Variants in ADGRE1 observed in about 807,000 individuals in gnomAD.
The protein encoded by ADGRE1 is EGF-like module receptor 1.
Under a neutral mutation model 102.7 loss-of-function variants are expected in ADGRE1, and 82 were observed. The ratio of observed to expected loss-of-function variants is 0.80; its 90% CI spans 0.67 to 0.96. The LOEUF is 0.96. ADGRE1 is among the 40% of genes least tolerant of loss of function. The pLI is 0.00. For synonymous variants in ADGRE1, 398 were observed against 399.6 expected (o/e 1.00, Z 0.05); for missense variants, 1,032 against 1,085.3 (o/e 0.95, Z 0.69).
Position 6,937,521 on chromosome 19 carries a change from G to A in ADGRE1, c.2551-23G>A, listed in dbSNP as rs748186260. 4 of 1,610,546 alleles carry A rather than the reference G, an allele frequency of 2.5e-6. No homozygotes were observed. The African/African-American group carries it at 4.1e-5, about 16-fold the overall frequency. On this transcript the variant is annotated intron_variant, in intron 19 of 20. Transcript: ENST00000312053. ...GTCACTGGACCATTTCCCTGCATCTGGATGATGTGTCTCCTTCTCCAGGTA... is the reference window on the plus strand; with the variant it reads ...GTCACTGGACCATTTCCCTGCATCTAGATGATGTGTCTCCTTCTCCAGGTA...
Position 6,926,571 on chromosome 19 carries a change from T to G in ADGRE1, c.2192T>G (p.Val731Gly). The change falls in exon 16 of 21, where the codon GTG becomes GGG. Residue 731 changes from valine to glycine, a missense_variant. By Grantham distance (109) the Val-to-Gly change is moderately radical. Transcript: ENST00000312053. ...CTGGTGGTGGTGATCTCTGCCAGTGTGCAGCCACAGGGCTATGGAATGCAT... is the reference window on the plus strand; with the variant it reads ...CTGGTGGTGGTGATCTCTGCCAGTGGGCAGCCACAGGGCTATGGAATGCAT... ...PMLVVVISASVQPQGYGMHNR... is the reference protein window; with the variant it reads ...PMLVVVISASGQPQGYGMHNR... 6.2e-7 allele frequency: 1 copy of G among 1,614,252 alleles called. No individual in the cohort carries two copies. Among genetic ancestry groups the G allele is most frequent in the African/African-American group, 1.3e-5 (1 of 75,072 alleles).
intron 16 of ADGRE1, 32 bp downstream of exon 16, chr19:6,926,633 C>G (rs199836170): frequency 6.2e-7 from 1 of 1,606,798 alleles, no homozygotes; most frequent in Non-Finnish European, 8.5e-7. Flanking sequence ...CCTGAAGACC[C>G]TGCTGCCAGG....
chr19:6,930,595 C>T lies in ADGRE1; in HGVS notation c.2289+2384C>T, dbSNP rs541602149. Among the ~76,000 whole-genome samples the T allele has an allele frequency of 2.6e-5, 4 of 152,160 alleles. No individual in the cohort carries two copies. The South Asian group carries it at 8.3e-4, about 32-fold the overall frequency. The stretch of plus-strand genomic sequence containing the variant: ...TTTGTCCTTTGTGTTACACACAATC[C>T]AATTATGTTCTTCTGGTTTTTGTTT... On this transcript the variant is annotated intron_variant, in intron 17 of 20. Coordinates refer to ENST00000312053, the MANE Select transcript of ADGRE1 (RefSeq NM_001974.5).
At chr19:6,903,739 T>C (rs1973849707) in intron 6 of ADGRE1, 71 bp from the exon 7 acceptor site, 1 of 1,587,780 alleles carries the variant, frequency 6.3e-7, no homozygotes, top group African/African-American at 1.3e-5. Flanking sequence ...GACTCCATAT[T>C]TTGCAAAGGG....
At chr19:6,924,646 C>T in intron 14 of ADGRE1, 32 bp from the exon 15 acceptor site, 1 of 1,596,994 alleles carries the variant, frequency 6.3e-7, no homozygotes, top group Non-Finnish European at 8.6e-7. Flanking sequence ...TGATCCCATT[C>T]TCAGGCCAAC....
At chr19:6,896,264 G>C in intron 2 of ADGRE1, 134 bp from the exon 3 acceptor site, 1 of 819,224 alleles carries the variant, frequency 1.2e-6, no homozygotes, top group Non-Finnish European at 1.9e-6. Context: ...CCAGGGTTTA[G>C]GACTGTAACG....
At chr19:6,912,843 A>G (rs562703627) in intron 10 of ADGRE1, among the ~76,000 whole-genome samples, 1 of 152,182 alleles carries the variant, frequency 6.6e-6, no homozygotes, top group Non-Finnish European at 1.5e-5. Context: ...CAGGAAGGGG[A>G]ATTGCTGTGT....
chr19:6,939,967 A>G (rs1599780737), intron 20 of ADGRE1, 57 bp from the exon 21 acceptor site: 2 of 1,595,120 alleles, frequency 1.3e-6, no homozygotes, highest in East Asian at 2.2e-5. Context: ...GACCCTTGGA[A>G]TCACGTTTGT....
intron 11 of ADGRE1, among the ~76,000 whole-genome samples, chr19:6,915,067 G>A (rs1218363869): frequency 6.6e-6 from 1 of 151,908 alleles, no homozygotes; most frequent in East Asian, 1.9e-4. Flanking sequence ...GTGCAGTGGT[G>A]TGATCATAGC....
At chr19:6,934,324 A>G (rs1481455486) in intron 17 of ADGRE1, among the ~76,000 whole-genome samples, 1 of 152,034 alleles carries the variant, frequency 6.6e-6, no homozygotes, top group Non-Finnish European at 1.5e-5. Context: ...ATTACTAACT[A>G]AGTCCTGCTG....
intron 14 of ADGRE1, among the ~76,000 whole-genome samples, chr19:6,922,612 TCACACACACACACACACACA>T (rs770150909): frequency 1.6e-5 from 2 of 123,156 alleles, no homozygotes; most frequent in African/African-American, 3.0e-5. Context: ...AGACTCTGTC[TCACACACACACACACACACA>T]CACACACACA....
chr19:6,932,526 C>T (rs1415828330), intron 17 of ADGRE1, among the ~76,000 whole-genome samples: 1 of 151,974 alleles, frequency 6.6e-6, no homozygotes, highest in Non-Finnish European at 1.5e-5. Context: ...GTTGGGGTTC[C>T]TCCAGCATTT....
In ADGRE1 at chr19:6,897,173, C is replaced by T. The variant is rs1462025209; in HGVS notation, c.263C>T (p.Pro88Leu). ...GATATTGATGAATGTTCTCAAAGCC[C>T]CCAGCCCTGTGGTCCTAACTCATCC... ...CKDIDECSQSPQPCGPNSSCK... is the reference protein window; with the variant it reads ...CKDIDECSQSLQPCGPNSSCK... Residue 88 changes from proline (P) to leucine (L), a missense_variant, in exon 4 of 21, where the codon CCC becomes CTC. Physicochemically the swap from Pro to Leu is moderately conservative, Grantham distance 98. Transcript: ENST00000312053. 1.2e-6 allele frequency: 2 copies of T among 1,611,882 alleles called. No homozygotes were observed. Among genetic ancestry groups the T allele is most frequent in the Non-Finnish European group, 8.5e-7 (1 of 1,179,550 alleles).
rs1054087739 is a variant in ADGRE1 at position 6,888,078 on chromosome 19, C to T, written c.31+439C>T. ...CTATGACATTGGGTCATTATTAGTC[C>T]TATTTTGCAAATGAGAAAACTGAGG... On this transcript the variant is annotated intron_variant, in intron 1 of 20. Coordinates refer to ENST00000312053, the MANE Select transcript of ADGRE1 (RefSeq NM_001974.5). Among the ~76,000 whole-genome samples the T allele has an allele frequency of 2.6e-5, 4 of 152,108 alleles. No individual in the cohort carries two copies. In the South Asian group the frequency reaches 8.3e-4, roughly 32 times the overall value.
chr19:6,889,214 A>G (rs969427413), intron 1 of ADGRE1, among the ~76,000 whole-genome samples: 7 of 151,286 alleles, frequency 4.6e-5, no homozygotes, highest in Non-Finnish European at 1.0e-4. Flanking sequence ...GGTGGTGATG[A>G]TGATGATGGT....
In ADGRE1 at chr19:6,940,046, C is replaced by T. The variant is rs1309833613; in HGVS notation, c.*17C>T. 2 of 1,613,426 alleles carry T rather than the reference C, an allele frequency of 1.2e-6. No individual in the cohort carries two copies. Among genetic ancestry groups the T allele is most frequent in the Admixed American group, 3.3e-5 (2 of 59,946 alleles). ...CAGGGTTAAAGTCCTTTCTTGCTTTCAAATATGCTATGGAGCCACAGTTGA... is the reference window on the plus strand; with the variant it reads ...CAGGGTTAAAGTCCTTTCTTGCTTTTAAATATGCTATGGAGCCACAGTTGA... On this transcript the variant is annotated 3_prime_UTR_variant, in exon 21 of 21. Coordinates refer to ENST00000312053, the MANE Select transcript of ADGRE1 (RefSeq NM_001974.5).
intron 2 of ADGRE1, among the ~76,000 whole-genome samples, chr19:6,891,428 A>G (rs1599708183): frequency 6.6e-6 from 1 of 150,390 alleles, no homozygotes; most frequent in African/African-American, 2.4e-5. Context: ...AACTTGGTCT[A>G]TATTGTGTTA....
chr19:6,903,555 G>A (rs1476340111), intron 6 of ADGRE1, among the ~76,000 whole-genome samples: 1 of 152,144 alleles, frequency 6.6e-6, no homozygotes, highest in Non-Finnish European at 1.5e-5. Context: ...GCCAGTTGAG[G>A]TGAAAGAGGG....
rs189169848 is a variant in ADGRE1, at chr19:6,910,460, G to A, written c.1122+1688G>A. The stretch of plus-strand genomic sequence containing the variant: ...AGACATTCAATATGGTTTATAAATA[G>A]CCACGTTCTCTTAAATTGTTCATAT... On this transcript the variant is annotated intron_variant, in intron 10 of 20. Coordinates refer to ENST00000312053, the MANE Select transcript of ADGRE1 (RefSeq NM_001974.5). Among the ~76,000 whole-genome samples, 259 of 151,916 alleles carry A rather than the reference G, an allele frequency of 1.7e-3. 1 individual carries two copies. The highest frequency in any genetic ancestry group is 5.7e-3 in the African/African-American group (238 of 41,436).
Sources: allele counts gnomAD v4.1 joint callset (sites outside exome capture counted in the v4.1 genomes callset), GRCh38; gene constraint gnomAD v4.1.1; transcripts MANE v1.5; gene names NCBI Gene and HGNC (gene_info 2026-07-23, HGNC 2026-07-21).